The following COG5 variants were observed in gnomAD, a reference collection of about 807,000 sequenced individuals.
The protein encoded by COG5 is conserved oligomeric Golgi complex subunit 5.
A neutral mutation model predicts 110.4 loss-of-function variants in COG5; 86 were observed. That is an observed-to-expected ratio of 0.78 (90% CI 0.65 to 0.93). COG5 has a LOEUF of 0.93. Ranked by LOEUF, COG5 falls within the 40% of genes least tolerant of loss-of-function variation. COG5 has a pLI of 0.00. For missense variants in COG5, 1,077 were observed against 987.0 expected (o/e 1.09, Z -1.22); for synonymous variants, 360 against 334.6 (o/e 1.08, Z -0.83).
intron 19 of COG5, among the ~76,000 whole-genome samples, chr7:107,224,167 A>G (rs576857224): frequency 6.6e-6 from 1 of 152,304 alleles, no homozygotes; most frequent in South Asian, 2.1e-4. Context: ...CAGATCCACA[A>G]GCGGAAAGAA....
chr7:107,460,506 T>C (rs1795923687), intron 6 of COG5, among the ~76,000 whole-genome samples: 1 of 152,074 alleles, frequency 6.6e-6, no homozygotes, highest in African/African-American at 2.4e-5. Context: ...ACATCCAAAG[T>C]TGTGGAATGT....
intron 6 of COG5, among the ~76,000 whole-genome samples, chr7:107,482,314 A>C (rs1797403322): frequency 6.6e-6 from 1 of 151,726 alleles, no homozygotes; most frequent in Non-Finnish European, 1.5e-5. Flanking sequence ...AGCTAATTAA[A>C]AAAAAAAATT....
intron 5 of COG5, among the ~76,000 whole-genome samples, chr7:107,546,342 AG>A (rs1802443981): frequency 6.6e-6 from 1 of 152,132 alleles, no homozygotes; most frequent in South Asian, 2.1e-4. Flanking sequence ...AGTAGAAGGA[AG>A]AAAATAATAA....
chr7:107,517,418 C>T (rs1227357030), intron 6 of COG5, among the ~76,000 whole-genome samples: 1 of 152,180 alleles, frequency 6.6e-6, no homozygotes, highest in East Asian at 1.9e-4. Context: ...TTGGAAAAGA[C>T]TCTTCAGGAT....
chr7:107,391,715 T>G (rs935906135), intron 7 of COG5, among the ~76,000 whole-genome samples: 1 of 152,184 alleles, frequency 6.6e-6, no homozygotes, highest in Non-Finnish European at 1.5e-5. Flanking sequence ...GAATCTGCAT[T>G]TTTTCAAGGC....
At chr7:107,246,269 C>A (rs564338613) in intron 17 of COG5, among the ~76,000 whole-genome samples, 6 of 152,220 alleles carry the variant, frequency 3.9e-5, no homozygotes, top group African/African-American at 1.2e-4. Flanking sequence ...CCCTGGAAGA[C>A]AACCTAGGCA....
At chr7:107,386,563 G>A (rs1790217594) in intron 7 of COG5, among the ~76,000 whole-genome samples, 1 of 152,144 alleles carries the variant, frequency 6.6e-6, no homozygotes, top group Non-Finnish European at 1.5e-5. Flanking sequence ...CAAGTTTGGG[G>A]GGGATTGTTC....
chr7:107,468,345 T>C (rs1796425492), intron 6 of COG5, among the ~76,000 whole-genome samples: 1 of 152,222 alleles, frequency 6.6e-6, no homozygotes, highest in African/African-American at 2.4e-5. Context: ...AATCTCCTCA[T>C]CCCCATCACA....
chr7:107,317,353 C>A (rs1808850715), intron 11 of COG5, among the ~76,000 whole-genome samples: 1 of 152,038 alleles, frequency 6.6e-6, no homozygotes, highest in East Asian at 1.9e-4. Flanking sequence ...ACAGAGAATT[C>A]CAGAGATGTG....
rs1792339582 is a variant in COG5 at position 107,412,031 on chromosome 7, A to C, written c.669+471T>G. On this transcript the variant is annotated intron_variant, in intron 7 of 21. Transcript: ENST00000297135. The stretch of plus-strand genomic sequence containing the variant: ...TTTTTAAATTATGGCATAATGATTA[A>C]GAGTGCAAAGTTCTGGGACTAGAGT... 4.6e-5 allele frequency among the ~76,000 whole-genome samples: 7 copies of C among 152,306 alleles called. No homozygotes were observed. In the South Asian group the frequency reaches 1.4e-3, roughly 32 times the overall value.
intron 12 of COG5, among the ~76,000 whole-genome samples, chr7:107,288,939 T>G (rs1487028082): frequency 9.4e-4 from 110 of 117,606 alleles, no homozygotes; most frequent in African/African-American, 3.6e-3. Flanking sequence ...TATATATATA[T>G]ATATATATAT....
intron 6 of COG5, among the ~76,000 whole-genome samples, chr7:107,445,927 T>C (rs891413534): frequency 1.3e-5 from 2 of 152,218 alleles, no homozygotes; most frequent in African/African-American, 2.4e-5. Context: ...ACAGGGCCAC[T>C]GTGTAGGGAT....
chr7:107,379,333 A>G (rs1458234716), intron 7 of COG5, among the ~76,000 whole-genome samples: 1 of 152,226 alleles, frequency 6.6e-6, no homozygotes, highest in Non-Finnish European at 1.5e-5. Context: ...AATTGTGAAG[A>G]CCACGGACAC....
chr7:107,477,979 T>A (rs901049048), intron 6 of COG5, among the ~76,000 whole-genome samples: 1 of 151,898 alleles, frequency 6.6e-6, no homozygotes, highest in Non-Finnish European at 1.5e-5. Flanking sequence ...GCAAAAGCAA[T>A]AGAGGCAACA....
intron 17 of COG5, among the ~76,000 whole-genome samples, chr7:107,243,170 G>T (rs1382185322): frequency 6.6e-6 from 1 of 152,044 alleles, no homozygotes; most frequent in East Asian, 1.9e-4. Flanking sequence ...TATATATATG[G>T]ACCCAACACA....
At chr7:107,546,758 C>T (rs1017333706) in intron 5 of COG5, among the ~76,000 whole-genome samples, 1 of 151,644 alleles carries the variant, frequency 6.6e-6, no homozygotes, top group African/African-American at 2.4e-5. Context: ...CAAATATATG[C>T]CAACAAACTG....
chr7:107,270,882 CTTTTTTT>C lies in COG5; in HGVS notation c.1575+10411_1575+10417del, dbSNP rs56971368. Among the ~76,000 whole-genome samples the C allele has an allele frequency of 2.8e-3, 192 of 68,722 alleles. No homozygotes were observed. In the South Asian group the frequency reaches 0.062, roughly 22 times the overall value. 45.1% of individuals were successfully genotyped at this position (68,722 alleles called of 152,430 possible). On this transcript the variant is annotated intron_variant, in intron 14 of 21. Coordinates refer to ENST00000297135, the MANE Select transcript of COG5 (RefSeq NM_006348.5). ...TTATACTTCATTATCCTAACTAGAA[CTTTTTTT>C]TTTTTTTTTTTTTTTTTTTTGTAGA...
In COG5 at chr7:107,448,965, A is replaced by T. The variant is rs190090660; in HGVS notation, c.539-36333T>A. ...TATTATAAAAATTAAAATTTATCAA[A>T]ACTTATGAAAACACCTGCAGACCAT... On this transcript the variant is annotated intron_variant, in intron 6 of 21. Transcript: ENST00000297135. Among the ~76,000 whole-genome samples the T allele has an allele frequency of 5.3e-5, 8 of 152,328 alleles. No homozygotes were observed. In the East Asian group the frequency reaches 7.7e-4, roughly 15 times the overall value.
rs61526384 is a variant in COG5, at chr7:107,492,168, A to AGTGTGTGTGTGTGTGTGTGT, written c.538+35049_538+35068dup. On this transcript the variant is annotated intron_variant, in intron 6 of 21. Coordinates refer to ENST00000297135, the MANE Select transcript of COG5 (RefSeq NM_006348.5). ...CAAAAAACCAAAAACAACAATGGGT[A>AGTGTGTGTGTGTGTGTGTGT]GTGTGTGTGTGTGTGTGTGTGTGTG... 2.2e-3 allele frequency among the ~76,000 whole-genome samples: 311 copies of AGTGTGTGTGTGTGTGTGTGT among 141,726 alleles called. 1 individual carries two copies. Among genetic ancestry groups the AGTGTGTGTGTGTGTGTGTGT allele is most frequent in the Middle Eastern group, 7.0e-3 (2 of 286 alleles). The allele number at this position is 141,726 out of a possible 152,430, so 93.0% of individuals were successfully genotyped here.
Sources: allele counts gnomAD v4.1 joint callset (sites outside exome capture counted in the v4.1 genomes callset), GRCh38; gene constraint gnomAD v4.1.1; transcripts MANE v1.5; gene names NCBI Gene and HGNC (gene_info 2026-07-23, HGNC 2026-07-21).